The following NDC80 variants were observed in gnomAD, a reference collection of about 807,000 sequenced individuals.
The protein encoded by NDC80 is NDC80 kinetochore complex component, also known as kinetochore protein NDC80 homolog.
In NDC80, 69 loss-of-function variants were observed where a neutral mutation model predicts 89.3. That is an observed-to-expected ratio of 0.77 (90% CI 0.64 to 0.94). The LOEUF is 0.94. Ranked by LOEUF, NDC80 falls within the 40% of genes least tolerant of loss-of-function variation. The probability of loss-of-function intolerance (pLI) is 0.00; values close to 1 mark genes in which losing one functional copy is unlikely to be tolerated. For missense variants in NDC80, 593 were observed against 739.6 expected (o/e 0.80, Z 2.30); for synonymous variants, 243 against 255.6 (o/e 0.95, Z 0.47).
In NDC80 at chr18:2,587,915, C is replaced by A; in HGVS notation, c.755C>A (p.Ser252Ter). 2.5e-6 allele frequency: 4 copies of A among 1,613,026 alleles called. No homozygotes were observed. In the South Asian group the frequency reaches 4.4e-5, roughly 18 times the overall value. The change falls in exon 8 of 17, where the codon TCA (serine) becomes TAA (stop). Residue 252 changes from serine (S) to a stop codon, truncating the protein, a stop_gained. Coordinates refer to ENST00000261597, the MANE Select transcript of NDC80 (RefSeq NM_006101.3). LOFTEE classifies it high-confidence loss of function. Reference sequence around the variant, plus strand: ...GATGAGATGAATGCAGAGCTGCAGTCAAAACTGAGTAAGTGTTCTCGTTCT... The same window carrying A: ...GATGAGATGAATGCAGAGCTGCAGTAAAAACTGAGTAAGTGTTCTCGTTCT... ...SFDEMNAELQ[S>*]KLKDLFNVDA...
At chr18:2,597,975 T>C (rs2072666040) in intron 11 of NDC80, among the ~76,000 whole-genome samples, 2 of 152,208 alleles carry the variant, frequency 1.3e-5, no homozygotes, top group African/African-American at 4.8e-5. Context: ...CTGTTATATA[T>C]ATGGGTCTGG....
At chr18:2,580,529 G>A (rs1275748810) in intron 6 of NDC80, among the ~76,000 whole-genome samples, 3 of 151,986 alleles carry the variant, frequency 2.0e-5, no homozygotes, top group Non-Finnish European at 4.4e-5. Flanking sequence ...GGCAGGCACT[G>A]GGTATATGGA....
chr18:2,584,302 A>AG (rs2072593493), intron 6 of NDC80, among the ~76,000 whole-genome samples: 1 of 150,922 alleles, frequency 6.6e-6, no homozygotes, highest in East Asian at 1.9e-4. Flanking sequence ...AAAAAAAAAA[A>AG]TACATATTTA....
chr18:2,605,491 A>C (rs1404147046), intron 13 of NDC80, among the ~76,000 whole-genome samples: 1 of 152,156 alleles, frequency 6.6e-6, no homozygotes, highest in East Asian at 1.9e-4. Context: ...TTACTTGAGT[A>C]TCTGTTGTTG....
At chr18:2,593,013 G>GTTGTGT (rs2072634810) in intron 10 of NDC80, among the ~76,000 whole-genome samples, 1 of 108,398 alleles carries the variant, frequency 9.2e-6, no homozygotes, top group Non-Finnish European at 1.7e-5. Context: ...AATAAACTCT[G>GTTGTGT]GTGTGTGTGT....
In NDC80 at chr18:2,610,772, G is replaced by A; in HGVS notation, c.1702G>A (p.Val568Met). The A allele has an allele frequency of 6.3e-7, 1 of 1,590,118 alleles. No individual in the cohort carries two copies. Residue 568 changes from valine to methionine, a missense_variant, in exon 16 of 17, where the codon GTG becomes ATG. By Grantham distance (21) the Val-to-Met change is conservative. Transcript: ENST00000261597. ...DAVQREYQLVVQTTTEERRKV... is the reference protein window; with the variant it reads ...DAVQREYQLVMQTTTEERRKV... ...TTTGTTCTACAGATACCAACTAGTTGTGCAAACCACGACTGAAGAAAGACG... is the reference window on the plus strand; with the variant it reads ...TTTGTTCTACAGATACCAACTAGTTATGCAAACCACGACTGAAGAAAGACG...
chr18:2,589,974 A>G (rs1285661092), intron 9 of NDC80, 44 bp from the exon 10 acceptor site: 58 of 1,262,220 alleles, frequency 4.6e-5, no homozygotes, highest in Non-Finnish European at 5.8e-5. Flanking sequence ...AAAATATGGA[A>G]TGGTTATTAA....
At chr18:2,582,026 G>C (rs1815426367) in intron 6 of NDC80, 1 of 150,088 alleles carries the variant, frequency 6.7e-6, no homozygotes, top group Non-Finnish European at 1.5e-5. Context: ...TTAAGATTTT[G>C]TTTTTGTTTT....
chr18:2,616,446 G>T lies in NDC80; in HGVS notation c.1801G>T (p.Glu601Ter). 6.7e-7 allele frequency: 1 copy of T among 1,491,582 alleles called. No homozygotes were observed. Among genetic ancestry groups the T allele is most frequent in the Non-Finnish European group, 9.0e-7 (1 of 1,113,256 alleles). 92.4% of individuals were successfully genotyped at this position (1,491,582 alleles called of 1,614,324 possible). A position where few individuals can be genotyped will look rare whatever the true frequency, so the allele number is the denominator to read the frequency against. Residue 601 changes from glutamate to a stop codon, truncating the protein, a stop_gained, in exon 17 of 17, where the codon GAG becomes TAG. Coordinates refer to ENST00000261597, the MANE Select transcript of NDC80 (RefSeq NM_006101.3). LOFTEE classifies it high-confidence loss of function. ...THVGSVEKHL[E>*]EQIAKVDREY... is the part of the protein sequence containing the mutation. ...TAATTCTCTTCACTAGAAACATCTT[G>T]AGGAGCAGATTGCTAAAGTTGATAG...
intron 13 of NDC80, among the ~76,000 whole-genome samples, 173 bp from the exon 14 acceptor site, chr18:2,606,242 A>G (rs1029323550): frequency 6.6e-6 from 1 of 151,996 alleles, no homozygotes; most frequent in African/African-American, 2.4e-5. Context: ...TTTGAAATTA[A>G]TTTCTCTTTG....
At chr18:2,593,030 G>C in intron 10 of NDC80, among the ~76,000 whole-genome samples, 1 of 123,772 alleles carries the variant, frequency 8.1e-6, no homozygotes, top group African/African-American at 3.8e-5. Context: ...GTGTGTGTGT[G>C]TGTGTGTGTG....
Position 2,578,945 on chromosome 18 carries a change from C to A in NDC80, c.495C>A (p.Ser165=). Residue 165 remains serine, a synonymous_variant, in exon 6 of 17, where the codon TCC becomes TCA. Transcript: ENST00000261597. ...FKDLGYPFAL[S]KSSMYTVGAP... Reference sequence around the variant, plus strand: ...CTCATAGGTATCCTTTTGCACTATCCAAAAGCTCCATGTACACAGTGGGGG... The same window carrying A: ...CTCATAGGTATCCTTTTGCACTATCAAAAAGCTCCATGTACACAGTGGGGG... 6.5e-7 allele frequency: 1 copy of A among 1,543,938 alleles called. No individual in the cohort carries two copies.
intron 6 of NDC80, among the ~76,000 whole-genome samples, chr18:2,584,833 T>C (rs897064034): frequency 6.6e-6 from 1 of 152,216 alleles, no homozygotes; most frequent in Admixed American, 6.5e-5. Context: ...CATTTTTCTC[T>C]GTAGAACAGA....
In NDC80 at chr18:2,590,133, A is replaced by G. The variant is rs779373007; in HGVS notation, c.986A>G (p.Asn329Ser). The change falls in exon 10 of 17, where the codon AAT becomes AGT. Residue 329 changes from asparagine (N) to serine (S), a missense_variant. Physicochemically the swap from Asn to Ser is conservative, Grantham distance 46. Coordinates refer to ENST00000261597, the MANE Select transcript of NDC80 (RefSeq NM_006101.3). ...TCAGCCATTCTTGACCAGAAATTAA[A>G]TGGTCTCAATGAGGAAATTGCTAGA... ...SHSAILDQKL[N>S]GLNEEIARVE... 1 of 1,609,828 alleles carries G rather than the reference A, an allele frequency of 6.2e-7. No homozygotes were observed. Among genetic ancestry groups the G allele is most frequent in the South Asian group, 1.1e-5 (1 of 90,106 alleles).
intron 3 of NDC80, among the ~76,000 whole-genome samples, chr18:2,575,317 C>T (rs1047260440): frequency 1.3e-5 from 2 of 152,202 alleles, no homozygotes; most frequent in African/African-American, 2.4e-5. Context: ...CTTTCAGACA[C>T]GGTGGAGTCA....
At chr18:2,596,115 C>T (rs6506020) in intron 11 of NDC80, among the ~76,000 whole-genome samples, 117,941 of 152,090 alleles carry the variant, frequency 0.78, 45,916 homozygotes, top group East Asian at 0.95. Flanking sequence ...ACATATAGTA[C>T]ACCTAGCCCA....
intron 6 of NDC80, among the ~76,000 whole-genome samples, chr18:2,579,992 T>G (rs1006143725): frequency 6.6e-6 from 1 of 152,234 alleles, no homozygotes; most frequent in South Asian, 2.1e-4. Context: ...TTTAAACAAT[T>G]TATGTTTTTA....
intron 13 of NDC80, among the ~76,000 whole-genome samples, chr18:2,603,356 C>T (rs11877709): frequency 0.034 from 4,012 of 119,628 alleles, 311 homozygotes; most frequent in African/African-American, 0.13. Flanking sequence ...TATGTTTATA[C>T]ATATATATAT....
chr18:2,586,499 G>T (rs890729186), intron 7 of NDC80, among the ~76,000 whole-genome samples: 6 of 152,168 alleles, frequency 3.9e-5, no homozygotes, highest in African/African-American at 1.4e-4. Context: ...GGAGGCCGAG[G>T]TGGGCAGATT....
Sources: allele counts gnomAD v4.1 joint callset (sites outside exome capture counted in the v4.1 genomes callset), GRCh38; gene constraint gnomAD v4.1.1; transcripts MANE v1.5; gene names NCBI Gene and HGNC (gene_info 2026-07-23, HGNC 2026-07-21).